The following KCNIP1 variants were observed in gnomAD, a reference collection of about 807,000 sequenced individuals.
The protein encoded by KCNIP1 is potassium voltage-gated channel interacting protein 1.
Under a neutral mutation model 33.0 loss-of-function variants are expected in KCNIP1, and 18 were observed. The observed-to-expected ratio is 0.55, with a 90% CI of 0.38 to 0.81. The LOEUF (loss-of-function observed/expected upper bound fraction) is 0.81. Ranked by LOEUF, KCNIP1 falls within the 30% of genes least tolerant of loss-of-function variation. The pLI is 0.00. For synonymous variants in KCNIP1, 93 were observed against 98.3 expected (o/e 0.95, Z 0.32); for missense variants, 238 against 271.6 (o/e 0.88, Z 0.87).
intron 1 of KCNIP1, among the ~76,000 whole-genome samples, chr5:170,682,536 T>A (rs1443490140): frequency 6.6e-6 from 1 of 152,098 alleles, no homozygotes; most frequent in Non-Finnish European, 1.5e-5. Context: ...TTCGGAAAAC[T>A]TTTTCTTCCT....
chr5:170,684,824 A>G (rs1297127258), intron 1 of KCNIP1, among the ~76,000 whole-genome samples: 1 of 152,056 alleles, frequency 6.6e-6, no homozygotes, highest in Non-Finnish European at 1.5e-5. Flanking sequence ...TTGGTTGGCT[A>G]TTTTTAGTTC....
intron 1 of KCNIP1, among the ~76,000 whole-genome samples, chr5:170,637,502 C>T (rs1207103495): frequency 6.6e-6 from 1 of 152,202 alleles, no homozygotes; most frequent in Non-Finnish European, 1.5e-5. Flanking sequence ...AACACTCCCA[C>T]CCACACCTCA....
chr5:170,483,268 C>T (rs1757016224), intron 1 of KCNIP1: 1 of 273,666 alleles, frequency 3.7e-6, no homozygotes, highest in South Asian at 3.5e-5. Context: ...GACCTTTGGA[C>T]TAAAAAGATG....
intron 1 of KCNIP1, among the ~76,000 whole-genome samples, chr5:170,545,058 G>A: frequency 6.6e-6 from 1 of 152,124 alleles, no homozygotes; most frequent in East Asian, 1.9e-4. Flanking sequence ...TTTAGTGTCA[G>A]TGTGATGGCA....
chr5:170,647,573 T>TA (rs56845440), intron 1 of KCNIP1, among the ~76,000 whole-genome samples: 2,058 of 141,776 alleles, frequency 0.015, 38 homozygotes, highest in African/African-American at 0.039. Flanking sequence ...CCATCCACAT[T>TA]AAAAAAAAAA....
At chr5:170,626,155 T>C (rs1266102645) in intron 1 of KCNIP1, among the ~76,000 whole-genome samples, 1 of 152,222 alleles carries the variant, frequency 6.6e-6, no homozygotes, top group Non-Finnish European at 1.5e-5. Flanking sequence ...AGCTGCTATG[T>C]AGAACAACTG....
rs533381839 is a variant in KCNIP1 at position 170,436,196 on chromosome 5, A to G, written c.88+82232A>G. Reference sequence around the variant, plus strand: ...CTCTAGGCAATGAGATAGTATTCTAAAACAATTAATGAAGGCCCATGATGG... The same window carrying G: ...CTCTAGGCAATGAGATAGTATTCTAGAACAATTAATGAAGGCCCATGATGG... On this transcript the variant is annotated intron_variant, in intron 1 of 7. Transcript: ENST00000377360. Among the ~76,000 whole-genome samples the G allele has an allele frequency of 7.2e-5, 11 of 152,344 alleles. No homozygotes were observed. In the South Asian group the frequency reaches 1.0e-3, roughly 14 times the overall value.
At chr5:170,578,924 G>A (rs1757696673) in intron 1 of KCNIP1, among the ~76,000 whole-genome samples, 1 of 152,186 alleles carries the variant, frequency 6.6e-6, no homozygotes, top group Admixed American at 6.5e-5. Flanking sequence ...GGAGGGCCCT[G>A]AGGTGGGAAC....
chr5:170,467,901 A>G (rs1756641188), intron 1 of KCNIP1, among the ~76,000 whole-genome samples: 1 of 145,202 alleles, frequency 6.9e-6, no homozygotes, highest in Non-Finnish European at 1.5e-5. Flanking sequence ...CTGGGCAACA[A>G]AGTCAGATTC....
At chr5:170,425,265 A>T (rs902051758) in intron 1 of KCNIP1, among the ~76,000 whole-genome samples, 1 of 152,220 alleles carries the variant, frequency 6.6e-6, no homozygotes, top group African/African-American at 2.4e-5. Flanking sequence ...TAAGTGTTCA[A>T]TAACTATTAC....
intron 1 of KCNIP1, among the ~76,000 whole-genome samples, chr5:170,485,069 T>C (rs548991449): frequency 2.1e-4 from 32 of 151,798 alleles, no homozygotes; most frequent in Non-Finnish European, 4.4e-4. Context: ...GCCTCCTGAG[T>C]AGCTGCGATT....
At chr5:170,625,360 C>T (rs1759781335) in intron 1 of KCNIP1, among the ~76,000 whole-genome samples, 1 of 152,092 alleles carries the variant, frequency 6.6e-6, no homozygotes, top group Non-Finnish European at 1.5e-5. Flanking sequence ...GCTCTGTCAC[C>T]AAGCATCGGG....
At chr5:170,624,788 AAGCGC>A (rs1222891365) in intron 1 of KCNIP1, among the ~76,000 whole-genome samples, 1 of 146,864 alleles carries the variant, frequency 6.8e-6, no homozygotes, top group East Asian at 2.1e-4. Flanking sequence ...AAGGGGAGAA[AAGCGC>A]AGCTGGCTTC....
chr5:170,475,440 A>T (rs923638748), intron 1 of KCNIP1, among the ~76,000 whole-genome samples: 2 of 151,982 alleles, frequency 1.3e-5, no homozygotes, highest in Admixed American at 6.6e-5. Context: ...GCTGGGAGGA[A>T]CCTCCCTGAC....
intron 1 of KCNIP1, among the ~76,000 whole-genome samples, chr5:170,610,121 C>T (rs1759086894): frequency 6.6e-6 from 1 of 152,182 alleles, no homozygotes; most frequent in South Asian, 2.1e-4. Context: ...ATCAGCACTA[C>T]CTGGGAACCT....
chr5:170,720,406 A>G lies in KCNIP1; in HGVS notation c.256+16A>G. ...CCTCATGGAGGTGAGTCTGACCTTG[A>G]AATCTATCTTGCCCAGCTCCCTCTC... is the stretch of plus-strand genomic sequence containing the variant. On this transcript the variant is annotated intron_variant, in intron 3 of 7. Transcript: ENST00000328939. 1 of 1,597,668 alleles carries G rather than the reference A, an allele frequency of 6.3e-7. No individual in the cohort carries two copies.
chr5:170,437,210 G>T (rs1237465996), intron 1 of KCNIP1, among the ~76,000 whole-genome samples: 3 of 152,144 alleles, frequency 2.0e-5, no homozygotes, highest in African/African-American at 7.2e-5. Context: ...TGTGGGTCTA[G>T]GGAAGGCACC....
intron 1 of KCNIP1, among the ~76,000 whole-genome samples, chr5:170,696,016 C>CAAAAAAAAAAAA (rs34474795): frequency 6.4e-5 from 6 of 93,960 alleles, no homozygotes; most frequent in African/African-American, 1.1e-4. Flanking sequence ...GACTCTGTCT[C>CAAAAAAAAAAAA]AAAAAAAAAA....
intron 1 of KCNIP1, among the ~76,000 whole-genome samples, chr5:170,405,830 G>C (rs1019665870): frequency 2.0e-5 from 3 of 152,128 alleles, no homozygotes. Flanking sequence ...CCCATCCCAG[G>C]CTGGCTCTCA....
Sources: gnomAD v4.1 joint callset for allele counts (sites outside exome capture counted in the v4.1 genomes callset) on GRCh38, gnomAD v4.1.1 for gene constraint, MANE v1.5 for transcripts, NCBI Gene and HGNC (gene_info 2026-07-23, HGNC 2026-07-21) for gene names.